Variants in DERL1 observed in about 807,000 individuals in gnomAD.
DERL1 encodes derlin-1.
Under a neutral mutation model 41.6 loss-of-function variants are expected in DERL1, and 24 were observed. That is an observed-to-expected ratio of 0.58 (90% CI 0.42 to 0.81). The LOEUF is 0.81. DERL1 is among the 30% of genes least tolerant of loss of function. The pLI, the probability that DERL1 is intolerant of heterozygous loss-of-function variation, is 0.00. For synonymous variants in DERL1, 124 were observed against 112.5 expected (o/e 1.10, Z -0.65); for missense variants, 260 against 314.3 (o/e 0.83, Z 1.31).
intron 1 of DERL1, among the ~76,000 whole-genome samples, chr8:123,040,578 G>C (rs1401222032): frequency 6.6e-6 from 1 of 152,178 alleles, no homozygotes; most frequent in Non-Finnish European, 1.5e-5. Context: ...AGACATGGTA[G>C]GATTCTGGAC....
intron 1 of DERL1, among the ~76,000 whole-genome samples, chr8:123,031,769 T>C (rs1033258084): frequency 2.0e-5 from 3 of 152,196 alleles, no homozygotes; most frequent in Non-Finnish European, 2.9e-5. Flanking sequence ...GGCTTCATAG[T>C]ATTCCTTGTA....
intron 1 of DERL1, among the ~76,000 whole-genome samples, chr8:123,035,503 G>A (rs560715311): frequency 6.6e-6 from 1 of 152,296 alleles, no homozygotes; most frequent in Admixed American, 6.5e-5. Flanking sequence ...AAGCCTAAGA[G>A]GCAGCCAACT....
At chr8:123,034,503 A>G (rs1044098792) in intron 1 of DERL1, among the ~76,000 whole-genome samples, 2 of 152,196 alleles carry the variant, frequency 1.3e-5, no homozygotes, top group African/African-American at 4.8e-5. Flanking sequence ...CAGCTTATTT[A>G]CACGCACTGA....
chr8:123,023,934 AT>A (rs1666340094), intron 3 of DERL1, among the ~76,000 whole-genome samples, 195 bp from the exon 4 acceptor site: 2 of 152,266 alleles, frequency 1.3e-5, no homozygotes, highest in African/African-American at 4.8e-5. Context: ...CCTGGGCAAC[AT>A]AGCAAGACCC....
chr8:123,027,292 T>TCA (rs1734641266), intron 2 of DERL1, among the ~76,000 whole-genome samples: 6 of 29,084 alleles, frequency 2.1e-4, no homozygotes, highest in African/African-American at 1.3e-3. Flanking sequence ...AGACCCTGTC[T>TCA]CAAAAAAAAA....
chr8:123,021,591 C>G, intron 5 of DERL1, 92 bp from the exon 6 acceptor site: 2 of 1,135,992 alleles, frequency 1.8e-6, no homozygotes, highest in Non-Finnish European at 2.6e-6. Flanking sequence ...GATACACTGA[C>G]AAGGGCTTTA....
rs1813092554 is a variant in DERL1, at chr8:123,042,087, C to T, written c.36G>A (p.Pro12=). Residue 12 remains proline (P), a synonymous_variant, in exon 1 of 8, where the codon CCG becomes CCA. Coordinates refer to ENST00000259512, the MANE Select transcript of DERL1 (RefSeq NM_024295.6). ...SDIGDWFRSI[P]AITRYWFAAT... Reference sequence around the variant, plus strand: ...CGGCGAACCAATAGCGCGTGATCGCCGGGATGCTCCTGAACCAGTCTCCGA... The same window carrying T: ...CGGCGAACCAATAGCGCGTGATCGCTGGGATGCTCCTGAACCAGTCTCCGA... 3 of 1,613,724 alleles carry T rather than the reference C, an allele frequency of 1.9e-6. No homozygotes were observed. The highest frequency in any genetic ancestry group is 2.2e-5 in the South Asian group (2 of 91,046).
chr8:123,027,285 C>G (rs1288145028), intron 2 of DERL1, among the ~76,000 whole-genome samples: 1 of 109,004 alleles, frequency 9.2e-6, no homozygotes, highest in East Asian at 2.5e-4. Flanking sequence ...CAGAGTGAGA[C>G]CCTGTCTCAA....
intron 1 of DERL1, among the ~76,000 whole-genome samples, chr8:123,038,816 G>A (rs1250245762): frequency 6.6e-6 from 1 of 152,222 alleles, no homozygotes; most frequent in Non-Finnish European, 1.5e-5. Flanking sequence ...ATTTAGTAAA[G>A]TAATAAACAC....
At chr8:123,036,573 C>T (rs1812934285) in intron 1 of DERL1, among the ~76,000 whole-genome samples, 1 of 152,184 alleles carries the variant, frequency 6.6e-6, no homozygotes, top group South Asian at 2.1e-4. Context: ...ACTTATTATA[C>T]ATACACTTTC....
At chr8:123,018,944 A>G (rs1414745055) in intron 7 of DERL1, 3 of 473,502 alleles carry the variant, frequency 6.3e-6, no homozygotes, top group Non-Finnish European at 1.1e-5. Context: ...CAGAGAGCTG[A>G]GATGCCTCCT....
chr8:123,027,974 A>G (rs935168496), intron 2 of DERL1, among the ~76,000 whole-genome samples: 11 of 151,964 alleles, frequency 7.2e-5, no homozygotes, highest in African/African-American at 2.7e-4. Context: ...AGGCACAAGA[A>G]TCACTTGAAC....
chr8:123,024,029 A>T (rs1436503684), intron 3 of DERL1, among the ~76,000 whole-genome samples: 1 of 152,198 alleles, frequency 6.6e-6, no homozygotes, highest in East Asian at 1.9e-4. Context: ...ACTTTTCTAT[A>T]GTTCAGATTG....
chr8:123,034,253 T>A (rs139512283), intron 1 of DERL1, among the ~76,000 whole-genome samples: 59 of 152,274 alleles, frequency 3.9e-4, no homozygotes, highest in African/African-American at 1.4e-3. Context: ...GGAAATGCAA[T>A]GTGCATACCA....
intron 7 of DERL1, chr8:123,018,807 T>C: frequency 4.1e-6 from 1 of 246,014 alleles, no homozygotes; most frequent in Non-Finnish European, 7.9e-6. Flanking sequence ...TAACTTACCC[T>C]TCCTTGGGCA....
At chr8:123,023,579 G>C (rs1812615586) in intron 4 of DERL1, 134 bp downstream of exon 4, 1 of 759,674 alleles carries the variant, frequency 1.3e-6, no homozygotes, top group South Asian at 2.3e-5. Flanking sequence ...AAATAAAACA[G>C]CTGTAATTCC....
chr8:123,038,936 C>G (rs1812988608), intron 1 of DERL1, among the ~76,000 whole-genome samples: 1 of 152,208 alleles, frequency 6.6e-6, no homozygotes, highest in Non-Finnish European at 1.5e-5. Context: ...TTAGCACAGC[C>G]AAAACCTAAC....
rs1257188037 is a variant in DERL1, at chr8:123,023,730, A to G, written c.340T>C (p.Leu114=). The change falls in exon 4 of 8, where the codon TTA becomes CTA. Residue 114 remains leucine, a synonymous_variant. Coordinates refer to ENST00000259512, the MANE Select transcript of DERL1 (RefSeq NM_024295.6). ...FNWICIVITG[L]AMDMQLLMIP... ...ACACTTACCTGCATATCCATTGCTA[A>G]GCCAGTAATCTTGGTTTGTAAAGTT... The G allele has an allele frequency of 6.2e-7, 1 of 1,611,000 alleles. No individual in the cohort carries two copies. The highest frequency in any genetic ancestry group is 8.5e-7 in the Non-Finnish European group (1 of 1,178,706).
At chr8:123,019,954 G>A (rs1481904786) in intron 6 of DERL1, among the ~76,000 whole-genome samples, 6 of 152,128 alleles carry the variant, frequency 3.9e-5, no homozygotes, top group South Asian at 2.1e-4. Flanking sequence ...CATGATTCCC[G>A]TCAGGGGCAA....
Sources: gnomAD v4.1 joint callset for allele counts (sites outside exome capture counted in the v4.1 genomes callset) on GRCh38, gnomAD v4.1.1 for gene constraint, MANE v1.5 for transcripts, NCBI Gene and HGNC (gene_info 2026-07-23, HGNC 2026-07-21) for gene names.